Variants in GRID1 observed in about 807,000 individuals in gnomAD.
GRID1 encodes the protein glutamate ionotropic receptor delta type subunit 1.
In GRID1, 28 loss-of-function variants were observed where a neutral mutation model predicts 98.0. The ratio of observed to expected loss-of-function variants is 0.29; its 90% CI spans 0.21 to 0.39. The LOEUF is 0.39. GRID1 is among the 10% of genes least tolerant of loss of function. GRID1 has a pLI of 1.00. For synonymous variants in GRID1, 553 were observed against 538.5 expected, an observed-to-expected ratio of 1.03 and a Z score of -0.37; for missense variants, 1,111 against 1,340.5, an observed-to-expected ratio of 0.83 and a Z score of 2.67.
intron 4 of GRID1, among the ~76,000 whole-genome samples, chr10:85,938,046 A>G (rs1343650048): frequency 6.6e-6 from 1 of 152,204 alleles, no homozygotes; most frequent in African/African-American, 2.4e-5. Context: ...TCTGGTCTCA[A>G]TTTGACAAGC....
At chr10:86,283,099 C>T (rs1166763940) in intron 2 of GRID1, among the ~76,000 whole-genome samples, 1 of 152,214 alleles carries the variant, frequency 6.6e-6, no homozygotes, top group African/African-American at 2.4e-5. Context: ...TGTCCATGTG[C>T]CCTCATGGCC....
Position 86,219,088 on chromosome 10 carries a change from T to C in GRID1, c.236-12440A>G, listed in dbSNP as rs1298618733. The stretch of plus-strand genomic sequence containing the variant: ...ACAGGGATGCCCACACCCACCTCAC[T>C]CCCTCTACAACTGCCTGGGCAGTTC... On this transcript the variant is annotated intron_variant, in intron 2 of 15. Transcript: ENST00000327946. Among the ~76,000 whole-genome samples, 4 of 152,272 alleles carry C rather than the reference T, an allele frequency of 2.6e-5. No individual in the cohort carries two copies. In the East Asian group the frequency reaches 7.7e-4, roughly 29 times the overall value.
chr10:85,817,655 A>T (rs1842727909), intron 8 of GRID1, among the ~76,000 whole-genome samples: 1 of 152,222 alleles, frequency 6.6e-6, no homozygotes, highest in Admixed American at 6.5e-5. Flanking sequence ...GCACTTTGGG[A>T]GGCCGAGGCA....
chr10:86,188,249 C>G (rs570014533), intron 3 of GRID1, among the ~76,000 whole-genome samples: 1 of 152,364 alleles, frequency 6.6e-6, no homozygotes, highest in East Asian at 1.9e-4. Flanking sequence ...CCCCACTTTT[C>G]CCCTAGCACA....
intron 12 of GRID1, among the ~76,000 whole-genome samples, chr10:85,699,389 G>A (rs544142798): frequency 6.6e-6 from 1 of 152,054 alleles, no homozygotes; most frequent in Non-Finnish European, 1.5e-5. Flanking sequence ...TGTATATGTT[G>A]GATAACAGTC....
intron 2 of GRID1, among the ~76,000 whole-genome samples, chr10:86,247,586 G>T (rs1589425433): frequency 1.3e-5 from 2 of 152,356 alleles, no homozygotes; most frequent in East Asian, 3.9e-4. Flanking sequence ...AGGGCAGAAG[G>T]CTAGAAGGAA....
chr10:85,722,602 GA>G (rs1174143794), intron 12 of GRID1, among the ~76,000 whole-genome samples: 1 of 151,648 alleles, frequency 6.6e-6, no homozygotes, highest in Admixed American at 6.6e-5. Flanking sequence ...TGGCATTTTT[GA>G]AAAAAATTAT....
At chr10:86,283,536 C>T (rs1411200243) in intron 2 of GRID1, among the ~76,000 whole-genome samples, 1 of 136,918 alleles carries the variant, frequency 7.3e-6, no homozygotes, top group Admixed American at 7.7e-5. Flanking sequence ...ATGACACACA[C>T]ACACACACCT....
intron 4 of GRID1, among the ~76,000 whole-genome samples, chr10:86,090,711 A>G (rs1844133537): frequency 1.3e-5 from 2 of 152,202 alleles, no homozygotes; most frequent in South Asian, 4.1e-4. Context: ...TTTTAGCTCC[A>G]GATTGACTCC....
At chr10:85,689,554 T>C (rs1464295934) in intron 12 of GRID1, among the ~76,000 whole-genome samples, 1 of 151,710 alleles carries the variant, frequency 6.6e-6, no homozygotes, top group African/African-American at 2.4e-5. Context: ...ACAACTATAG[T>C]AAATATTATT....
intron 8 of GRID1, among the ~76,000 whole-genome samples, chr10:85,809,847 C>G (rs115289365): frequency 6.6e-6 from 1 of 152,102 alleles, no homozygotes; most frequent in African/African-American, 2.4e-5. Context: ...AAGCAGAGGA[C>G]CTGCAGCAGC....
chr10:86,311,921 C>T (rs1368726725), intron 2 of GRID1, among the ~76,000 whole-genome samples: 1 of 152,184 alleles, frequency 6.6e-6, no homozygotes, highest in Non-Finnish European at 1.5e-5. Context: ...TTTTGAAACC[C>T]TTGATCTATA....
rs1441547751 is a variant in GRID1, at chr10:86,365,848, C to G, written c.79+466G>C. ...ACACCGACACCGTGCCAGGCGCACA[C>G]AGCGACACACGCTGACAACACGCAC... is the stretch of plus-strand genomic sequence containing the variant. On this transcript the variant is annotated intron_variant, in intron 1 of 15. Coordinates refer to ENST00000327946, the MANE Select transcript of GRID1 (RefSeq NM_017551.3). The surrounding 1 kb of genome is among the most constrained non-coding windows in gnomAD (Gnocchi z 4.8). Among the ~76,000 whole-genome samples, 3 of 152,286 alleles carry G rather than the reference C, an allele frequency of 2.0e-5. No homozygotes were observed. Among genetic ancestry groups the G allele is most frequent in the African/African-American group, 7.2e-5 (3 of 41,560 alleles).
At chr10:85,974,774 G>A (rs866995178) in intron 4 of GRID1, among the ~76,000 whole-genome samples, 2 of 152,136 alleles carry the variant, frequency 1.3e-5, no homozygotes, top group East Asian at 1.9e-4. Flanking sequence ...CCACAGGCAC[G>A]CACCACTATG....
At chr10:86,277,546 T>G (rs1589435045) in intron 2 of GRID1, among the ~76,000 whole-genome samples, 1 of 152,240 alleles carries the variant, frequency 6.6e-6, no homozygotes, top group African/African-American at 2.4e-5. Context: ...AGATGTGATT[T>G]GTCATAATAA....
At chr10:85,772,360 A>G (rs895701053) in intron 8 of GRID1, among the ~76,000 whole-genome samples, 1 of 151,792 alleles carries the variant, frequency 6.6e-6, no homozygotes, top group South Asian at 2.1e-4. Flanking sequence ...AATGCCCACA[A>G]GAGAAAGCAG....
At chr10:85,716,231 A>G (rs1472758358) in intron 12 of GRID1, among the ~76,000 whole-genome samples, 2 of 152,162 alleles carry the variant, frequency 1.3e-5, no homozygotes, top group Non-Finnish European at 2.9e-5. Context: ...TTTTATCTGC[A>G]AATAATTGGA....
intron 12 of GRID1, among the ~76,000 whole-genome samples, chr10:85,681,471 G>C (rs1841208048): frequency 6.6e-6 from 1 of 152,102 alleles, no homozygotes; most frequent in African/African-American, 2.4e-5. Context: ...CTCAAGGCTG[G>C]AGCTCAGACC....
intron 4 of GRID1, among the ~76,000 whole-genome samples, chr10:85,952,568 T>G (rs190378040): frequency 1.8e-3 from 276 of 152,326 alleles, no homozygotes; most frequent in African/African-American, 5.8e-3. Context: ...TTAAGGAGAT[T>G]TTTTGTGTTT....
Sources: gnomAD v4.1 joint callset for allele counts (sites outside exome capture counted in the v4.1 genomes callset) on GRCh38, gnomAD v4.1.1 for gene constraint, Gnocchi (gnomAD v3.1) non-coding constraint, MANE v1.5 for transcripts, NCBI Gene and HGNC (gene_info 2026-07-23, HGNC 2026-07-21) for gene names.